The following RILPL1 variants were observed in gnomAD, a reference collection of about 807,000 sequenced individuals.
RILPL1 encodes the protein RILP-like protein 1.
RILPL1 carries 33 observed loss-of-function variants against 50.3 expected under a neutral mutation model. That is an observed-to-expected ratio of 0.66 (90% CI 0.50 to 0.88). The LOEUF is 0.88. Ranked by LOEUF, RILPL1 falls within the 40% of genes least tolerant of loss-of-function variation. The pLI, the probability that RILPL1 is intolerant of heterozygous loss-of-function variation, is 0.00. For synonymous variants in RILPL1, 205 were observed against 228.6 expected (o/e 0.90, Z 0.93); for missense variants, 418 against 542.5 (o/e 0.77, Z 2.28).
chr12:123,528,786 C>CT lies in RILPL1; in HGVS notation c.309+4387dup, dbSNP rs200540666. Among the ~76,000 whole-genome samples the CT allele has an allele frequency of 6.9e-4, 105 of 151,530 alleles. 1 individual carries two copies. Among genetic ancestry groups the CT allele is most frequent in the South Asian group, 6.1e-3 (29 of 4,766 alleles). On this transcript the variant is annotated intron_variant, in intron 1 of 6. Transcript: ENST00000376874. ...TGAATACAGACTTTAACCCTAAATTCTTTTTTTTTCTTCTCTCAACGAACT... is the reference window on the plus strand; with the variant it reads ...TGAATACAGACTTTAACCCTAAATTCTTTTTTTTTTCTTCTCTCAACGAACT...
In RILPL1 at chr12:123,533,270, G is replaced by T; in HGVS notation, c.213C>A (p.His71Gln). Residue 71 changes from histidine to glutamine, a missense_variant, in exon 1 of 7, where the codon CAC (histidine) becomes CAA (glutamine). His to Gln is a conservative substitution (Grantham distance 24). Coordinates refer to ENST00000376874, the MANE Select transcript of RILPL1 (RefSeq NM_178314.5). This position sits in a 1 kb window ranked among gnomAD's most constrained non-coding sequence, Gnocchi z 6.2. ...LEILEVLVSR[H>Q]HVAPELDELR... is the part of the protein sequence containing the mutation. Reference sequence around the variant, plus strand: ...GCTCGTCCAGCTCGGGCGCGACGTGGTGGCGGCTGACCAGCACCTCCAGGA... The same window carrying T: ...GCTCGTCCAGCTCGGGCGCGACGTGTTGGCGGCTGACCAGCACCTCCAGGA... The T allele has an allele frequency of 6.3e-7, 1 of 1,588,994 alleles. No individual in the cohort carries two copies.
At chr12:123,531,945 T>C (rs1885453817) in intron 1 of RILPL1, among the ~76,000 whole-genome samples, 1 of 152,204 alleles carries the variant, frequency 6.6e-6, no homozygotes, top group South Asian at 2.1e-4. Flanking sequence ...CTTGGGAGCC[T>C]GAGTTTCCTT....
intron 1 of RILPL1, among the ~76,000 whole-genome samples, chr12:123,529,364 T>TCAACGCAACCTTCACCTCCCAGGTTCA (rs1474042162): frequency 6.6e-6 from 1 of 152,168 alleles, no homozygotes; most frequent in African/African-American, 2.4e-5. Flanking sequence ...TGATCTCGGC[T>TCAACGCAACCTTCACCTCCCAGGTTCA]CAACGCAACC....
At chr12:123,501,335 C>T (rs921735519) in intron 2 of RILPL1, among the ~76,000 whole-genome samples, 2 of 151,634 alleles carry the variant, frequency 1.3e-5, no homozygotes, top group Non-Finnish European at 2.9e-5. Flanking sequence ...ATCTCAGCTA[C>T]TTAGGAGGCT....
Position 123,485,810 on chromosome 12 carries a change from AG to A in RILPL1, c.802-6del. 1 of 1,599,446 alleles carries A rather than the reference AG, an allele frequency of 6.3e-7. No homozygotes were observed. Among genetic ancestry groups the A allele is most frequent in the South Asian group, 1.1e-5 (1 of 89,732 alleles). ...CTCCTCTCCCACCGGCTCCGTCTGG[AG>A]GAGGCAGAGATGCTGCTAATGAATT... On this transcript the variant is annotated splice_region_variant and splice_polypyrimidine_tract_variant and intron_variant, in intron 4 of 6. Transcript: ENST00000376874. The surrounding 1 kb of genome is among the most constrained non-coding windows in gnomAD (Gnocchi z 4.0).
chr12:123,531,684 T>C (rs1885447924), intron 1 of RILPL1, among the ~76,000 whole-genome samples: 1 of 152,202 alleles, frequency 6.6e-6, no homozygotes, highest in Non-Finnish European at 1.5e-5. Context: ...GAACACTTTA[T>C]ATGTATTTAT....
rs1283047116 is a variant in RILPL1 at position 123,488,653 on chromosome 12, C to T, written c.802-2848G>A. Among the ~76,000 whole-genome samples, 3 of 152,128 alleles carry T rather than the reference C, an allele frequency of 2.0e-5. No individual in the cohort carries two copies. In the East Asian group the frequency reaches 5.8e-4, roughly 29 times the overall value. Reference sequence around the variant, plus strand: ...GGAGACAACACCCACTGCTGGGGCACGTCAGGTGACAGCAGAGCCACACAC... The same window carrying T: ...GGAGACAACACCCACTGCTGGGGCATGTCAGGTGACAGCAGAGCCACACAC... On this transcript the variant is annotated intron_variant, in intron 4 of 6. Transcript: ENST00000376874.
At position 123,499,400 on chromosome 12, in the gene RILPL1, C is replaced by G; in HGVS notation, c.579+18G>C. On this transcript the variant is annotated intron_variant, in intron 3 of 6. Transcript: ENST00000376874. ...ACTGGCTGGGAGGGTGGACGCAGGT[C>G]AGGGGTGTGTCACTCACAGCCTCAA... The G allele has an allele frequency of 6.3e-7, 1 of 1,584,212 alleles. No homozygotes were observed. The highest frequency in any genetic ancestry group is 1.1e-5 in the South Asian group (1 of 90,460).
Position 123,472,560 on chromosome 12 carries a change from T to TGTCCTTGCTCTGTGTAACC in RILPL1, c.1171_1189dup (p.Gln397ArgfsTer54). On this transcript the variant is annotated frameshift_variant, in exon 7 of 7. Coordinates refer to ENST00000376874, the MANE Select transcript of RILPL1 (RefSeq NM_178314.5). LOFTEE classifies it high-confidence loss of function. ...AGGTCACAGATGCTGCAGGGCTTCC[T>TGTCCTTGCTCTGTGTAACC]GTCCTTGCTCTGTGTAACCGTCATC... The TGTCCTTGCTCTGTGTAACC allele has an allele frequency of 6.4e-7, 1 of 1,552,588 alleles. No homozygotes were observed. The highest frequency in any genetic ancestry group is 8.7e-7 in the Non-Finnish European group (1 of 1,147,522).
chr12:123,521,651 ACACATATATGTATATATAT>A (rs1885046886), intron 2 of RILPL1, among the ~76,000 whole-genome samples: 2 of 14,066 alleles, frequency 1.4e-4, no homozygotes, highest in African/African-American at 3.8e-4. Flanking sequence ...GTATATATAT[ACACATATATGTATATATAT>A]AAATATATAT....
chr12:123,527,037 T>C (rs1310279961), intron 1 of RILPL1, among the ~76,000 whole-genome samples: 1 of 152,176 alleles, frequency 6.6e-6, no homozygotes, highest in Non-Finnish European at 1.5e-5. Context: ...GATGATTAAG[T>C]TAAGGATCTT....
chr12:123,477,642 CTT>C (rs1881686163), intron 6 of RILPL1, among the ~76,000 whole-genome samples: 1 of 152,004 alleles, frequency 6.6e-6, no homozygotes, highest in Admixed American at 6.6e-5. Flanking sequence ...GAGTTGGTGT[CTT>C]TGCAGAACCT....
intron 2 of RILPL1, among the ~76,000 whole-genome samples, chr12:123,501,254 T>C (rs1439677203): frequency 6.7e-6 from 1 of 149,948 alleles, no homozygotes; most frequent in Non-Finnish European, 1.5e-5. Context: ...CTGGGCAACA[T>C]AACAAGACCC....
At chr12:123,488,974 G>A (rs1396127468) in intron 4 of RILPL1, among the ~76,000 whole-genome samples, 1 of 152,130 alleles carries the variant, frequency 6.6e-6, no homozygotes, top group African/African-American at 2.4e-5. Context: ...GCGCCTCCAG[G>A]GATGCTCCGG....
Position 123,485,538 on chromosome 12 carries a change from C to T in RILPL1, c.974+95G>A. 1.7e-6 allele frequency: 2 copies of T among 1,192,698 alleles called. No homozygotes were observed. Among genetic ancestry groups the T allele is most frequent in the Non-Finnish European group, 2.4e-6 (2 of 841,240 alleles). The allele number at this position is 1,192,698 out of a possible 1,614,324, so 73.9% of individuals were successfully genotyped here. A position where few individuals can be genotyped will look rare whatever the true frequency, so the allele number is the denominator to read the frequency against. ...ACCCAAAAAAAACACTGATGAAATG[C>T]TTGTCTTCCAGGGGGTAAGAAGGTA... On this transcript the variant is annotated intron_variant, in intron 5 of 6. Transcript: ENST00000376874. This position sits in a 1 kb window ranked among gnomAD's most constrained non-coding sequence, Gnocchi z 4.0.
At chr12:123,481,451 G>A (rs1881994958) in intron 6 of RILPL1, among the ~76,000 whole-genome samples, 1 of 152,078 alleles carries the variant, frequency 6.6e-6, no homozygotes, top group Non-Finnish European at 1.5e-5. Flanking sequence ...CAAGAATGGA[G>A]CCCACAGAGG....
chr12:123,490,038 C>A (rs1882586222), intron 4 of RILPL1, among the ~76,000 whole-genome samples: 1 of 152,184 alleles, frequency 6.6e-6, no homozygotes, highest in Non-Finnish European at 1.5e-5. Context: ...CTCCCTTTTC[C>A]ATCCCCTTTC....
At chr12:123,510,601 G>GT (rs1250297243) in intron 2 of RILPL1, among the ~76,000 whole-genome samples, 1 of 90,826 alleles carries the variant, frequency 1.1e-5, no homozygotes, top group Non-Finnish European at 2.2e-5. Flanking sequence ...GTGTGAATGT[G>GT]GGGTCTGTGT....
chr12:123,529,920 T>C (rs1354847234), intron 1 of RILPL1, among the ~76,000 whole-genome samples: 3 of 150,280 alleles, frequency 2.0e-5, no homozygotes. Context: ...TTCCTCATGC[T>C]AGAATAATTG....
Sources: allele counts gnomAD v4.1 joint callset (sites outside exome capture counted in the v4.1 genomes callset), GRCh38; gene constraint gnomAD v4.1.1; non-coding constraint Gnocchi (gnomAD v3.1); transcripts MANE v1.5; gene names NCBI Gene and HGNC (gene_info 2026-07-23, HGNC 2026-07-21).